PDE4D: variants seen among roughly 807,000 people sequenced by gnomAD.
PDE4D encodes the protein 3',5'-cyclic-AMP phosphodiesterase 4D.
A neutral mutation model predicts 87.4 loss-of-function variants in PDE4D; 24 were observed. The observed-to-expected ratio is 0.27, with a 90% CI of 0.20 to 0.39. The LOEUF (loss-of-function observed/expected upper bound fraction) is 0.39, where lower values mean the gene tolerates loss of function less well. PDE4D is among the 10% of genes least tolerant of loss of function. The pLI is 1.00. For synonymous variants in PDE4D, 384 were observed against 383.2 expected, an observed-to-expected ratio of 1.00 and a Z score of -0.02; for missense variants, 714 against 1,041.0, an observed-to-expected ratio of 0.69 and a Z score of 4.32.
At chr5:60,243,981 G>C (rs967722636) in intron 1 of PDE4D, among the ~76,000 whole-genome samples, 43 of 151,946 alleles carry the variant, frequency 2.8e-4, no homozygotes, top group African/African-American at 1.0e-3. Flanking sequence ...AAAAAACACA[G>C]GGTATCCGAA....
At chr5:59,723,535 A>G (rs1415469764) in intron 1 of PDE4D, among the ~76,000 whole-genome samples, 3 of 152,160 alleles carry the variant, frequency 2.0e-5, no homozygotes, top group Non-Finnish European at 4.4e-5. Flanking sequence ...TGAGAAAAAC[A>G]GAAGTTGTGA....
At chr5:60,471,345 C>T (rs1236321076) in intron 1 of PDE4D, among the ~76,000 whole-genome samples, 1 of 152,074 alleles carries the variant, frequency 6.6e-6, no homozygotes, top group Non-Finnish European at 1.5e-5. Flanking sequence ...GGAATCTACT[C>T]CTGGTGAAGA....
At chr5:59,738,366 T>C (rs2150652935) in intron 1 of PDE4D, among the ~76,000 whole-genome samples, 1 of 152,224 alleles carries the variant, frequency 6.6e-6, no homozygotes, top group East Asian at 1.9e-4. Flanking sequence ...CCTTTCCCCA[T>C]GAATAGGACA....
intron 5 of PDE4D, among the ~76,000 whole-genome samples, chr5:59,159,087 T>C (rs1006115618): frequency 1.3e-5 from 2 of 151,450 alleles, no homozygotes; most frequent in African/African-American, 2.4e-5. Flanking sequence ...GAAGCCTTCA[T>C]TGCTTATTAT....
intron 1 of PDE4D, among the ~76,000 whole-genome samples, chr5:59,726,814 C>CA (rs1756663690): frequency 6.6e-6 from 1 of 152,022 alleles, no homozygotes; most frequent in African/African-American, 2.4e-5. Flanking sequence ...CACACATATA[C>CA]ACTTGCATAC....
At chr5:59,594,668 T>C (rs533842424) in intron 1 of PDE4D, among the ~76,000 whole-genome samples, 8 of 152,040 alleles carry the variant, frequency 5.3e-5, no homozygotes, top group Non-Finnish European at 8.8e-5. Flanking sequence ...TTTTATCCAG[T>C]ACATGCCCAG....
chr5:59,746,006 C>T (rs565919283), intron 1 of PDE4D, among the ~76,000 whole-genome samples: 2 of 152,152 alleles, frequency 1.3e-5, no homozygotes, highest in African/African-American at 2.4e-5. Context: ...GTATTTCATG[C>T]CAACACATAA....
chr5:59,113,153 T>C (rs1228473741), intron 5 of PDE4D, among the ~76,000 whole-genome samples: 1 of 152,152 alleles, frequency 6.6e-6, no homozygotes, highest in Non-Finnish European at 1.5e-5. Context: ...CACCTGCAAA[T>C]GCCAGACATT....
chr5:59,801,609 A>G (rs1008329058), intron 1 of PDE4D, among the ~76,000 whole-genome samples: 5 of 152,230 alleles, frequency 3.3e-5, no homozygotes, highest in African/African-American at 9.6e-5. Flanking sequence ...AAACCAGTGG[A>G]ATAGACACAG....
At chr5:59,455,331 G>C (rs1394613188) in intron 1 of PDE4D, among the ~76,000 whole-genome samples, 2 of 152,208 alleles carry the variant, frequency 1.3e-5, no homozygotes, top group Non-Finnish European at 2.9e-5. Flanking sequence ...CACTTCAGCT[G>C]TGACTAAAAG....
chr5:59,641,101 T>C (rs1193641228), intron 1 of PDE4D, among the ~76,000 whole-genome samples: 1 of 152,180 alleles, frequency 6.6e-6, no homozygotes, highest in East Asian at 1.9e-4. Flanking sequence ...TTAAAGTGAC[T>C]TTCTCCGGCT....
intron 1 of PDE4D, among the ~76,000 whole-genome samples, chr5:60,271,301 A>T: frequency 6.6e-6 from 1 of 152,176 alleles, no homozygotes; most frequent in Non-Finnish European, 1.5e-5. Flanking sequence ...ATGTTTTGCC[A>T]TTATAAACAA....
At chr5:60,356,377 T>C (rs1759623283) in intron 1 of PDE4D, among the ~76,000 whole-genome samples, 1 of 152,204 alleles carries the variant, frequency 6.6e-6, no homozygotes, top group Non-Finnish European at 1.5e-5. Context: ...CGAATACCAT[T>C]TGCCTTACTC....
intron 1 of PDE4D, among the ~76,000 whole-genome samples, chr5:59,320,060 G>C (rs1774437584): frequency 6.6e-6 from 1 of 151,664 alleles, no homozygotes; most frequent in African/African-American, 2.4e-5. Flanking sequence ...GATAGTCTTG[G>C]TCACATCCCC....
chr5:60,124,191 C>T (rs1046254687), intron 2 of PDE4D, among the ~76,000 whole-genome samples: 16 of 152,190 alleles, frequency 1.1e-4, no homozygotes, highest in Middle Eastern at 6.8e-3. Flanking sequence ...TTATTTAATA[C>T]TATGACAATT....
intron 1 of PDE4D, among the ~76,000 whole-genome samples, chr5:59,840,864 G>A (rs913934346): frequency 6.6e-6 from 1 of 151,996 alleles, no homozygotes; most frequent in Non-Finnish European, 1.5e-5. Flanking sequence ...TTCCATTTTG[G>A]AAATAAGAAT....
At chr5:60,112,501 C>T (rs559582422) in intron 2 of PDE4D, among the ~76,000 whole-genome samples, 1 of 152,014 alleles carries the variant, frequency 6.6e-6, no homozygotes, top group African/African-American at 2.4e-5. Context: ...TCCATAAGGA[C>T]CATCCGAACT....
chr5:59,342,074 C>T (rs907268791), intron 1 of PDE4D, among the ~76,000 whole-genome samples: 2 of 152,258 alleles, frequency 1.3e-5, no homozygotes, highest in African/African-American at 4.8e-5. Context: ...AATTTCTGCT[C>T]AATCATGAAG....
intron 1 of PDE4D, among the ~76,000 whole-genome samples, chr5:59,344,213 A>T (rs244576): frequency 1 from 152,066 of 152,252 alleles, 75,942 homozygotes; most frequent in Middle Eastern, 1. Flanking sequence ...GTTCCTCAGT[A>T]GTTCTTAGTA....
Sources: gnomAD v4.1 joint callset for allele counts (sites outside exome capture counted in the v4.1 genomes callset) on GRCh38, gnomAD v4.1.1 for gene constraint, MANE v1.5 for transcripts, NCBI Gene and HGNC (gene_info 2026-07-23, HGNC 2026-07-21) for gene names.